Variants in CRCP observed in about 807,000 individuals in gnomAD.
CRCP encodes the protein CGRP receptor component, also known as DNA-directed RNA polymerase III subunit RPC9.
Under a neutral mutation model 18.5 loss-of-function variants are expected in CRCP, and 18 were observed. That is an observed-to-expected ratio of 0.97 (90% CI 0.67 to 1.44). The LOEUF is 1.44. Among genes scored for constraint, CRCP ranks in the 40% most tolerant of loss-of-function variants. The pLI is 0.00. For synonymous variants in CRCP, 53 were observed against 62.9 expected, an observed-to-expected ratio of 0.84 and a Z score of 0.75; for missense variants, 130 against 176.4, an observed-to-expected ratio of 0.74 and a Z score of 1.49.
At chr7:66,131,265 C>T (rs989591604) in intron 3 of CRCP, among the ~76,000 whole-genome samples, 14 of 151,992 alleles carry the variant, frequency 9.2e-5, no homozygotes, top group Non-Finnish European at 1.6e-4. Context: ...TGAGCCACCG[C>T]GCCCAGCCTA....
intron 5 of CRCP, among the ~76,000 whole-genome samples, chr7:66,151,697 G>C (rs879682390): frequency 6.7e-5 from 10 of 149,992 alleles, no homozygotes; most frequent in East Asian, 2.0e-4. Flanking sequence ...GTGTGTGTGT[G>C]TGTGTGTGTG....
rs372266430 is a variant in CRCP, at chr7:66,145,747, T to A, written c.297+247T>A. On this transcript the variant is annotated intron_variant, in intron 5 of 5. Coordinates refer to ENST00000395326, the MANE Select transcript of CRCP (RefSeq NM_014478.5). ...CTTGGCGGCTCTCCGACTCCCCTGA[T>A]GTCCAGGCCATTCTGGCCATTGCTT... is the stretch of plus-strand genomic sequence containing the variant. Among the ~76,000 whole-genome samples, 4 of 152,360 alleles carry A rather than the reference T, an allele frequency of 2.6e-5. No homozygotes were observed. In the East Asian group the frequency reaches 5.8e-4, roughly 22 times the overall value.
intron 4 of CRCP, 143 bp downstream of exon 4, chr7:66,134,517 G>A (rs570365445): frequency 3.4e-6 from 2 of 591,726 alleles, no homozygotes; most frequent in East Asian, 3.1e-5. Flanking sequence ...CTGAAAGTTA[G>A]ACATAGGGAC....
intron 1 of CRCP, among the ~76,000 whole-genome samples, chr7:66,116,092 C>T (rs1343983974): frequency 6.6e-6 from 1 of 152,174 alleles, no homozygotes; most frequent in East Asian, 1.9e-4. Flanking sequence ...AGCCACTTCA[C>T]CTGGCCTCTT....
At chr7:66,145,028 CATCT>C (rs967285910) in intron 4 of CRCP, among the ~76,000 whole-genome samples, 5 of 152,066 alleles carry the variant, frequency 3.3e-5, no homozygotes, top group Non-Finnish European at 5.9e-5. Context: ...TGGTTGCGAG[CATCT>C]GTGATCCCAG....
At position 66,153,510 on chromosome 7, in the gene CRCP, TG is replaced by T. The variant is rs1788531232; in HGVS notation, c.*1154del. ...ATATTCAGGATTTGGAAAGTATAGT[TG>T]CCCCAGGCATGTGGTTGTTGCCTTA... On this transcript the variant is annotated 3_prime_UTR_variant, in exon 6 of 6. Coordinates refer to ENST00000395326, the MANE Select transcript of CRCP (RefSeq NM_014478.5). 2 of 152,176 alleles carry T rather than the reference TG, an allele frequency of 1.3e-5. No individual in the cohort carries two copies. The highest frequency in any genetic ancestry group is 2.9e-5 in the Non-Finnish European group (2 of 68,034). The allele number at this position is 152,176 out of a possible 1,614,324, so 9.4% of individuals were successfully genotyped here. A position where few individuals can be genotyped will look rare whatever the true frequency, so the allele number is the denominator to read the frequency against.
rs1217303946 is a variant in CRCP, at chr7:66,130,847, G to A, written c.144+5G>A. The A allele has an allele frequency of 6.7e-7, 1 of 1,483,566 alleles. No individual in the cohort carries two copies. The highest frequency in any genetic ancestry group is 9.4e-7 in the Non-Finnish European group (1 of 1,065,960). The allele number at this position is 1,483,566 out of a possible 1,614,324, so 91.9% of individuals were successfully genotyped here. A position where few individuals can be genotyped will look rare whatever the true frequency, so the allele number is the denominator to read the frequency against. On this transcript the variant is annotated splice_donor_5th_base_variant and intron_variant, in intron 3 of 5. Transcript: ENST00000395326. ...TTGAACACTATCACCTATGAAGTAA[G>A]GCTGGGCTTCTGCCAGGCCTACCTA...
In CRCP at chr7:66,127,771, A is replaced by C. The variant is rs562247355; in HGVS notation, c.45+31A>C. ...TTGGATTGTTACATTTTCCTCTCTGATAGTTTGCCCTTCGCTCCTGAGATT... is the reference window on the plus strand; with the variant it reads ...TTGGATTGTTACATTTTCCTCTCTGCTAGTTTGCCCTTCGCTCCTGAGATT... On this transcript the variant is annotated intron_variant, in intron 2 of 5. Coordinates refer to ENST00000395326, the MANE Select transcript of CRCP (RefSeq NM_014478.5). 1.9e-5 allele frequency: 30 copies of C among 1,611,950 alleles called. No individual in the cohort carries two copies. In the South Asian group the frequency reaches 3.0e-4, roughly 16 times the overall value.
chr7:66,132,946 A>G (rs1377105936), intron 3 of CRCP, among the ~76,000 whole-genome samples: 1 of 151,716 alleles, frequency 6.6e-6, no homozygotes, highest in South Asian at 2.1e-4. Flanking sequence ...AGATGAAAGG[A>G]CTTACCAAGT....
Position 66,114,923 on chromosome 7 carries a change from C to G in CRCP, c.-40C>G, listed in dbSNP as rs773555377. On this transcript the variant is annotated 5_prime_UTR_variant, in exon 1 of 6. Coordinates refer to ENST00000395326, the MANE Select transcript of CRCP (RefSeq NM_014478.5). ...GGAGACAGCTGTGAAGTGTGAGGTT[C>G]TTTGTCTGCTGGCAGCTAGGGGCGA... is the stretch of plus-strand genomic sequence containing the variant. 2.5e-6 allele frequency: 4 copies of G among 1,611,460 alleles called. No individual in the cohort carries two copies. Among genetic ancestry groups the G allele is most frequent in the Non-Finnish European group, 3.4e-6 (4 of 1,177,998 alleles).
chr7:66,135,921 CAA>C (rs757639626), intron 4 of CRCP, among the ~76,000 whole-genome samples: 5 of 131,820 alleles, frequency 3.8e-5, no homozygotes, highest in Admixed American at 1.5e-4. Context: ...AACTCTGTCT[CAA>C]AAAAAAAAAA....
intron 5 of CRCP, among the ~76,000 whole-genome samples, chr7:66,150,411 C>T (rs1185022842): frequency 1.3e-5 from 2 of 150,354 alleles, no homozygotes; most frequent in East Asian, 3.9e-4. Context: ...TTTTCCTGAG[C>T]CATGGAATCT....
chr7:66,143,048 A>G (rs543844673), intron 4 of CRCP, among the ~76,000 whole-genome samples: 1 of 152,244 alleles, frequency 6.6e-6, no homozygotes, highest in Admixed American at 6.5e-5. Flanking sequence ...TTTCTAAACA[A>G]CCTAACCTTG....
chr7:66,120,783 C>G (rs1787413976), intron 1 of CRCP: 1 of 152,132 alleles, frequency 6.6e-6, no homozygotes, highest in Admixed American at 6.6e-5. Flanking sequence ...TGAGAATATA[C>G]CCACGTATGT....
At chr7:66,114,826 G>T, upstream of CRCP, 1 of 1,590,012 alleles carries the variant, frequency 6.3e-7, no homozygotes, top group Non-Finnish European at 8.6e-7. Flanking sequence ...CCAAGCTCCC[G>T]GCATGCAGCG....
intron 3 of CRCP, among the ~76,000 whole-genome samples, chr7:66,133,580 C>G (rs1011036417): frequency 2.6e-5 from 4 of 151,398 alleles, no homozygotes; most frequent in Non-Finnish European, 4.4e-5. Context: ...CTCTTCTTAC[C>G]CGTTTATCTA....
chr7:66,152,419 G>A lies in CRCP; in HGVS notation c.*62G>A, dbSNP rs1356196665. On this transcript the variant is annotated 3_prime_UTR_variant, in exon 6 of 6. Transcript: ENST00000395326. ...AAGGCCTGGCAGCCATTTCCTGGAC[G>A]TTGAGAGGATTGTTTATTTGATTTT... The A allele has an allele frequency of 1.1e-5, 18 of 1,575,466 alleles. No homozygotes were observed. The highest frequency in any genetic ancestry group is 1.7e-4 in the Middle Eastern group (1 of 5,720).
Position 66,125,247 on chromosome 7 carries a change from A to G in CRCP, c.9-2457A>G, listed in dbSNP as rs1423348084. ...ATTAAGTTGATGTCTGTCTGGTTTCACCATATCCTGTTGCCAACAACCTGT... is the reference window on the plus strand; with the variant it reads ...ATTAAGTTGATGTCTGTCTGGTTTCGCCATATCCTGTTGCCAACAACCTGT... On this transcript the variant is annotated intron_variant, in intron 1 of 5. Transcript: ENST00000395326. Among the ~76,000 whole-genome samples the G allele has an allele frequency of 2.0e-5, 3 of 149,184 alleles. 1 individual carries two copies. The highest frequency in any genetic ancestry group is 4.5e-5 in the Non-Finnish European group (3 of 66,716).
chr7:66,153,026 G>A lies in CRCP; in HGVS notation c.*669G>A, dbSNP rs1207018471. 6.5e-6 allele frequency: 1 copy of A among 152,676 alleles called. No individual in the cohort carries two copies. Among genetic ancestry groups the A allele is most frequent in the Non-Finnish European group, 1.5e-5 (1 of 68,140 alleles). 9.5% of individuals were successfully genotyped at this position (152,676 alleles called of 1,614,324 possible). A position where few individuals can be genotyped will look rare whatever the true frequency, so the allele number is the denominator to read the frequency against. On this transcript the variant is annotated 3_prime_UTR_variant, in exon 6 of 6. Transcript: ENST00000395326. ...TGACAGTGGCAGCAGAAACAGTGTT[G>A]GCTGCCTTTCTGACCACCCCACTTT... is the stretch of plus-strand genomic sequence containing the variant.
Sources: allele counts gnomAD v4.1 joint callset (sites outside exome capture counted in the v4.1 genomes callset), GRCh38; gene constraint gnomAD v4.1.1; transcripts MANE v1.5; gene names NCBI Gene and HGNC (gene_info 2026-07-23, HGNC 2026-07-21).